GSE1: variants seen among roughly 807,000 people sequenced by gnomAD.
GSE1 encodes Gse1 coiled-coil protein.
GSE1 carries 32 observed loss-of-function variants against 112.6 expected under a neutral mutation model. That is an observed-to-expected ratio of 0.28 (90% CI 0.21 to 0.38). GSE1 has a LOEUF of 0.38. GSE1 is among the 10% of genes least tolerant of loss of function. The probability of loss-of-function intolerance (pLI) is 1.00; values close to 1 mark genes in which losing one functional copy is unlikely to be tolerated. For synonymous variants in GSE1, 1,115 were observed against 735.6 expected (o/e 1.52, Z -8.35); for missense variants, 2,348 against 1,699.2 (o/e 1.38, Z -6.71).
chr16:85,671,373 G>C (rs2053317341), intron 15 of GSE1, among the ~76,000 whole-genome samples: 1 of 143,602 alleles, frequency 7.0e-6, no homozygotes, highest in South Asian at 2.3e-4. Context: ...CCGGGAGGCG[G>C]AGCTTGCAGT....
At chr16:85,179,484 T>C (rs1264028069) in intron 1 of GSE1, among the ~76,000 whole-genome samples, 14 of 152,306 alleles carry the variant, frequency 9.2e-5, no homozygotes, top group Non-Finnish European at 1.5e-5. Context: ...TGTTCACAGA[T>C]GTCTTCATTT....
intron 1 of GSE1, among the ~76,000 whole-genome samples, chr16:85,309,325 C>G (rs2151477794): frequency 6.6e-6 from 1 of 152,060 alleles, no homozygotes; most frequent in South Asian, 2.1e-4. Flanking sequence ...AGTGAGACCC[C>G]TATCTCTACA....
intron 2 of GSE1, among the ~76,000 whole-genome samples, chr16:85,421,028 G>C (rs1166406378): frequency 6.6e-6 from 1 of 152,250 alleles, no homozygotes; most frequent in Non-Finnish European, 1.5e-5. Context: ...TCTGTAAAAT[G>C]GGAATCATAA....
chr16:85,361,416 A>G (rs2047078985), intron 2 of GSE1, among the ~76,000 whole-genome samples: 2 of 151,384 alleles, frequency 1.3e-5, no homozygotes, highest in South Asian at 4.2e-4. Context: ...CACACACAGG[A>G]CACACATTCC....
intron 1 of GSE1, among the ~76,000 whole-genome samples, chr16:85,570,705 C>T (rs529290206): frequency 3.7e-4 from 57 of 152,322 alleles, no homozygotes; most frequent in Admixed American, 3.1e-3. Flanking sequence ...TGGAAAGAGA[C>T]GTTGGCTTCT....
chr16:85,439,036 C>G (rs915721097), intron 2 of GSE1, among the ~76,000 whole-genome samples: 1 of 152,238 alleles, frequency 6.6e-6, no homozygotes, highest in Non-Finnish European at 1.5e-5. Context: ...CCAAGATCAC[C>G]CACAAAGCCC....
intron 2 of GSE1, among the ~76,000 whole-genome samples, chr16:85,438,864 G>T (rs574005666): frequency 6.6e-6 from 1 of 152,178 alleles, no homozygotes; most frequent in African/African-American, 2.4e-5. Context: ...TGCAGCTCCC[G>T]TACTGACCAC....
intron 2 of GSE1, among the ~76,000 whole-genome samples, chr16:85,521,450 G>A (rs905092889): frequency 5.9e-5 from 9 of 152,188 alleles, no homozygotes; most frequent in African/African-American, 1.7e-4. Flanking sequence ...CCTCCTGCCT[G>A]CAGCAGAATC....
At chr16:85,340,954 A>G (rs2046612487) in intron 1 of GSE1, among the ~76,000 whole-genome samples, 1 of 152,226 alleles carries the variant, frequency 6.6e-6, no homozygotes, top group African/African-American at 2.4e-5. Flanking sequence ...TGATGATGAT[A>G]ATGGCAGTGT....
rs1364600283 is a variant in GSE1 at position 85,654,292 on chromosome 16, G to C, written c.441G>C (p.Arg147Ser). The change falls in exon 4 of 16, where the codon AGG becomes AGC. Residue 147 changes from arginine (R) to serine (S), a missense_variant. Transcript: ENST00000253458. Reference protein sequence around the residue: ...RSESRQDAGSRSSSGGRERLI... With the variant: ...RSESRQDAGSSSSSGGRERLI... ...TCCTCCCGCAGGATGCCGGCTCCAG[G>C]AGCAGCAGTGGAGGTCGGGAACGCC... 1 of 1,602,284 alleles carries C rather than the reference G, an allele frequency of 6.2e-7. No homozygotes were observed. The highest frequency in any genetic ancestry group is 1.3e-5 in the African/African-American group (1 of 74,510).
intron 2 of GSE1, among the ~76,000 whole-genome samples, chr16:85,404,166 C>T (rs1434907876): frequency 8.6e-6 from 1 of 116,564 alleles, no homozygotes; most frequent in Non-Finnish European, 1.8e-5. Flanking sequence ...ACTCAGGGCC[C>T]CCCGGATAAT....
intron 1 of GSE1, among the ~76,000 whole-genome samples, chr16:85,235,344 C>T (rs1222282617): frequency 6.6e-6 from 1 of 151,724 alleles, no homozygotes; most frequent in East Asian, 2.0e-4. Flanking sequence ...TGGTTCTGGC[C>T]CCCTCACCCC....
intron 1 of GSE1, among the ~76,000 whole-genome samples, chr16:85,613,709 T>TG (rs1176363316): frequency 3.7e-4 from 4 of 10,922 alleles, no homozygotes; most frequent in Non-Finnish European, 6.1e-4. Context: ...GCAGGTAAAG[T>TG]GGGGGGATGG....
chr16:85,276,280 C>T (rs1201674737), intron 1 of GSE1, among the ~76,000 whole-genome samples: 3 of 152,236 alleles, frequency 2.0e-5, no homozygotes, highest in Non-Finnish European at 4.4e-5. Flanking sequence ...ACTTGAATCT[C>T]CCCGCTTGTT....
At chr16:85,341,219 G>A (rs1054028560) in intron 1 of GSE1, among the ~76,000 whole-genome samples, 16 of 151,632 alleles carry the variant, frequency 1.1e-4, no homozygotes, top group Non-Finnish European at 2.2e-4. Flanking sequence ...TAAATAAACA[G>A]GGTGTTGTTC....
intron 1 of GSE1, among the ~76,000 whole-genome samples, chr16:85,633,402 C>G (rs1306591726): frequency 6.6e-6 from 1 of 152,240 alleles, no homozygotes; most frequent in Non-Finnish European, 1.5e-5. Flanking sequence ...TCCCGCCAGT[C>G]TTCTGAGGGC....
At chr16:85,648,044 C>T (rs1023011962) in intron 2 of GSE1, among the ~76,000 whole-genome samples, 4 of 151,818 alleles carry the variant, frequency 2.6e-5, no homozygotes, top group Non-Finnish European at 4.4e-5. Context: ...GCTGCTTACA[C>T]GTGGAGCTGC....
intron 1 of GSE1, among the ~76,000 whole-genome samples, chr16:85,567,129 T>A (rs1469834647): frequency 6.8e-6 from 1 of 146,662 alleles, no homozygotes; most frequent in Non-Finnish European, 1.5e-5. Flanking sequence ...CCGCCTGTGC[T>A]GTCTTTATGA....
At chr16:85,360,253 C>T (rs922397340) in intron 2 of GSE1, among the ~76,000 whole-genome samples, 2 of 150,370 alleles carry the variant, frequency 1.3e-5, no homozygotes, top group Non-Finnish European at 3.0e-5. Context: ...ACGTTGGGGG[C>T]GGGGGCCTGA....
Sources: allele counts gnomAD v4.1 joint callset (sites outside exome capture counted in the v4.1 genomes callset), GRCh38; gene constraint gnomAD v4.1.1; transcripts MANE v1.5; gene names NCBI Gene and HGNC (gene_info 2026-07-23, HGNC 2026-07-21).